MSN: variants seen among roughly 807,000 people sequenced by gnomAD.
MSN encodes the protein moesin.
In MSN, 2 loss-of-function variants were observed where a neutral mutation model predicts 48.0. The ratio of observed to expected loss-of-function variants is 0.04; its 90% CI spans 0.02 to 0.13. MSN has a LOEUF of 0.13. Among genes scored for constraint, MSN ranks in the 10% least tolerant of loss-of-function variants. The probability of loss-of-function intolerance (pLI) is 1.00; values close to 1 mark genes in which losing one functional copy is unlikely to be tolerated. For missense variants in MSN, 267 were observed against 470.1 expected (o/e 0.57, Z 3.99); for synonymous variants, 146 against 166.9 (o/e 0.87, Z 0.97).
intron 1 of MSN, among the ~76,000 whole-genome samples, chrX:65,696,244 C>CACACACACACACACAT (rs2071237759): frequency 9.0e-6 from 1 of 111,101 alleles, no homozygotes; most frequent in African/African-American, 3.3e-5. Flanking sequence ...CACACACACA[C>CACACACACACACACAT]ACACACACGA....
In MSN at chrX:65,667,803, T is replaced by C; in HGVS notation, c.-39T>C. 8.3e-7 allele frequency: 1 copy of C among 1,210,045 alleles called. No individual in the cohort carries two copies. Among genetic ancestry groups the C allele is most frequent in the African/African-American group, 1.7e-5 (1 of 57,899 alleles). On this transcript the variant is annotated 5_prime_UTR_variant, in exon 1 of 13. Coordinates refer to ENST00000360270, the MANE Select transcript of MSN (RefSeq NM_002444.3). The stretch of plus-strand genomic sequence containing the variant: ...CGTGCTCAGCACTGCCCGACAGTCC[T>C]AGCTAAACTTCGCCAACTCCGCTGC...
intron 1 of MSN, among the ~76,000 whole-genome samples, chrX:65,596,677 A>G (rs2070189436): frequency 9.6e-6 from 1 of 103,958 alleles, no homozygotes; most frequent in African/African-American, 3.5e-5. Flanking sequence ...TTCTTTTATA[A>G]AGAAGAAACT....
intron 1 of MSN, among the ~76,000 whole-genome samples, chrX:65,692,458 T>G (rs1165129849): frequency 8.9e-6 from 1 of 112,508 alleles, no homozygotes; most frequent in Non-Finnish European, 1.9e-5. Flanking sequence ...TATCTTTGGC[T>G]AACTTTCAGA....
At chrX:65,643,962 C>A (rs906507707) in intron 1 of MSN, among the ~76,000 whole-genome samples, 1 of 111,919 alleles carries the variant, frequency 8.9e-6, no homozygotes, top group Non-Finnish European at 1.9e-5. Context: ...AGGGTGACTG[C>A]AAGTATTTAG....
At chrX:65,615,391 G>A (rs2070360571) in intron 1 of MSN, among the ~76,000 whole-genome samples, 2 of 109,610 alleles carry the variant, frequency 1.8e-5, no homozygotes, top group African/African-American at 3.5e-5. Flanking sequence ...TTTAATGATT[G>A]CCATTCTAAC....
chrX:65,699,049 G>A (rs1005088030), intron 1 of MSN, among the ~76,000 whole-genome samples: 2 of 111,935 alleles, frequency 1.8e-5, no homozygotes, highest in Admixed American at 1.9e-4. Flanking sequence ...GTTTGGCTGG[G>A]CTACCTGGTG....
chrX:65,637,685 T>A (rs2070616141), intron 1 of MSN, among the ~76,000 whole-genome samples: 1 of 108,430 alleles, frequency 9.2e-6, no homozygotes, highest in Non-Finnish European at 1.9e-5. Context: ...CATTCATGTC[T>A]CTATTTATTT....
At chrX:65,631,345 C>G (rs2070556613) in intron 1 of MSN, among the ~76,000 whole-genome samples, 1 of 110,866 alleles carries the variant, frequency 9.0e-6, no homozygotes, top group African/African-American at 3.3e-5. Context: ...CTGCCCACCT[C>G]GGCCTCCCAA....
At chrX:65,590,210 G>T (rs1271621014) in intron 1 of MSN, among the ~76,000 whole-genome samples, 2 of 111,254 alleles carry the variant, frequency 1.8e-5, no homozygotes, top group African/African-American at 3.3e-5. Flanking sequence ...CATTTGTTGG[G>T]ATGTCCTAGA....
At chrX:65,651,328 A>AG (rs1445461853) in intron 1 of MSN, among the ~76,000 whole-genome samples, 21 of 107,737 alleles carry the variant, frequency 1.9e-4, no homozygotes, top group Non-Finnish European at 2.5e-4. Flanking sequence ...AAAAAAAAAA[A>AG]AAAGAAAGAA....
intron 1 of MSN, among the ~76,000 whole-genome samples, chrX:65,695,555 T>G (rs1414195122): frequency 9.5e-6 from 1 of 105,254 alleles, no homozygotes; most frequent in Non-Finnish European, 1.9e-5. Flanking sequence ...AAGTATGTTG[T>G]CATGGGCTCC....
intron 1 of MSN, chrX:65,593,185 A>G (rs1406644041): frequency 1.9e-5 from 2 of 104,208 alleles, no homozygotes; most frequent in Non-Finnish European, 3.9e-5. Flanking sequence ...AACTACCTGC[A>G]TGTTTTTTCC....
chrX:65,649,247 TTATATATATATGTATATATA>T (rs1341124200), intron 1 of MSN, among the ~76,000 whole-genome samples: 4 of 93,037 alleles, frequency 4.3e-5, no homozygotes, highest in Admixed American at 3.4e-4. Context: ...TTAAAAAAAT[TTATATATATATGTATATATA>T]TATATATATA....
At chrX:65,687,329 C>T (rs1473763832) in intron 1 of MSN, among the ~76,000 whole-genome samples, 1 of 111,613 alleles carries the variant, frequency 9.0e-6, no homozygotes, top group East Asian at 2.8e-4. Flanking sequence ...GCCTGGGTGA[C>T]AGAGCGAGAC....
intron 2 of MSN, among the ~76,000 whole-genome samples, chrX:65,722,235 A>G (rs1365865156): frequency 9.0e-6 from 1 of 111,569 alleles, no homozygotes; most frequent in African/African-American, 3.3e-5. Context: ...CAGTGGTGCA[A>G]TAATTTGCTT....
chrX:65,678,399 G>A (rs901543611), intron 1 of MSN, among the ~76,000 whole-genome samples: 31 of 111,482 alleles, frequency 2.8e-4, no homozygotes, highest in African/African-American at 1.0e-3. Context: ...GCACTGCCTG[G>A]TCACTCCTCT....
In MSN at chrX:65,727,902, A is replaced by G. The variant is rs1469446074; in HGVS notation, c.185A>G (p.Asn62Ser). 6 of 1,196,332 alleles carry G rather than the reference A, an allele frequency of 5.0e-6. No individual in the cohort carries two copies. The highest frequency in any genetic ancestry group is 1.8e-5 in the African/African-American group (1 of 56,890). Reference protein sequence around the residue: ...TKGFSTWLKLNKKVTAQDVRK... With the variant: ...TKGFSTWLKLSKKVTAQDVRK... ...GGTTTCTCCACCTGGCTGAAACTCA[A>G]TAAGAAGGTAACTGCTTATTCCTCT... Residue 62 changes from asparagine (N) to serine (S), a missense_variant, in exon 3 of 13, where the codon AAT becomes AGT. Physicochemically the swap from Asn to Ser is conservative, Grantham distance 46. Around this residue, in one of 5 missense-constraint regions of MSN, gnomAD observed 89 missense variants for 151.0 expected, o/e 0.59. Coordinates refer to ENST00000360270, the MANE Select transcript of MSN (RefSeq NM_002444.3).
chrX:65,738,676 C>A, intron 11 of MSN, 59 bp downstream of exon 11: 1 of 1,050,583 alleles, frequency 9.5e-7, no homozygotes, highest in Non-Finnish European at 1.3e-6. Flanking sequence ...GCATAGGTAA[C>A]AGCTCCTTAG....
chrX:65,679,518 C>T (rs189097469), intron 1 of MSN, among the ~76,000 whole-genome samples: 1 of 111,914 alleles, frequency 8.9e-6, no homozygotes, highest in Non-Finnish European at 1.9e-5. Context: ...GGGCTTTCAA[C>T]TGATCCTGTA....
Sources: gnomAD v4.1 joint callset for allele counts (sites outside exome capture counted in the v4.1 genomes callset) on GRCh38, gnomAD v4.1.1 for gene constraint, gnomAD v4.1.1 regional missense constraint, MANE v1.5 for transcripts, NCBI Gene and HGNC (gene_info 2026-07-23, HGNC 2026-07-21) for gene names.